Variants in CCDC51 observed in about 807,000 individuals in gnomAD.
The protein encoded by CCDC51 is mitochondrial potassium channel.
In CCDC51, 25 loss-of-function variants were observed where a neutral mutation model predicts 24.8. The ratio of observed to expected loss-of-function variants is 1.01; its 90% CI spans 0.73 to 1.41. The LOEUF is 1.41. CCDC51 is among the 40% of genes most tolerant of loss of function. The pLI, the probability that CCDC51 is intolerant of heterozygous loss-of-function variation, is 0.00. For synonymous variants in CCDC51, 190 were observed against 204.3 expected, an observed-to-expected ratio of 0.93 and a Z score of 0.60; for missense variants, 466 against 519.1, an observed-to-expected ratio of 0.90 and a Z score of 0.99.
upstream of CCDC51, chr3:48,445,205 AT>A (rs2039647253): frequency 6.6e-6 from 1 of 152,034 alleles, no homozygotes; most frequent in Non-Finnish European, 1.5e-5. Context: ...AAGCACAAGT[AT>A]TTGGATTTCC....
Position 48,433,927 on chromosome 3 carries a change from C to T in CCDC51, c.313-56G>A. On this transcript the variant is annotated intron_variant, in intron 2 of 3. Transcript: ENST00000395694. This position sits in a 1 kb window ranked among gnomAD's most constrained non-coding sequence, Gnocchi z 4.4. ...CCTTCTCTCCACACCCACACAGGCT[C>T]AGCTGCATTCCCAGCAAGGCATTCC... 9 of 1,572,798 alleles carry T rather than the reference C, an allele frequency of 5.7e-6. No homozygotes were observed. Among genetic ancestry groups the T allele is most frequent in the Non-Finnish European group, 6.9e-6 (8 of 1,158,404 alleles).
intron 1 of CCDC51, among the ~76,000 whole-genome samples, chr3:48,439,345 C>T (rs1045869796): frequency 6.6e-6 from 1 of 152,226 alleles, no homozygotes; most frequent in East Asian, 1.9e-4. Flanking sequence ...AAAAAAATAA[C>T]AACTTTGGCT....
At chr3:48,443,076 C>T (rs2039603908), upstream of CCDC51, among the ~76,000 whole-genome samples, 1 of 151,358 alleles carries the variant, frequency 6.6e-6, no homozygotes, top group Non-Finnish European at 1.5e-5. Flanking sequence ...CCCATCTCTA[C>T]TAAAAATACA....
chr3:48,440,083 T>C lies in CCDC51; in HGVS notation c.-104A>G, dbSNP rs1357486412. 2.1e-5 allele frequency: 16 copies of C among 760,926 alleles called. No homozygotes were observed. Among genetic ancestry groups the C allele is most frequent in the Admixed American group, 3.0e-5 (1 of 33,176 alleles). The allele number at this position is 760,926 out of a possible 1,614,324, so 47.1% of individuals were successfully genotyped here. A position where few individuals can be genotyped will look rare whatever the true frequency, so the allele number is the denominator to read the frequency against. On this transcript the variant is annotated 5_prime_UTR_variant, in exon 1 of 4. Coordinates refer to ENST00000395694, the MANE Select transcript of CCDC51 (RefSeq NM_001256964.2). Reference sequence around the variant, plus strand: ...CGATTCTACCCTGGCAGGACAACCCTAGCTCCTCGTACCTGGCGTGGCCCG... The same window carrying C: ...CGATTCTACCCTGGCAGGACAACCCCAGCTCCTCGTACCTGGCGTGGCCCG...
In CCDC51 at chr3:48,434,838, C is replaced by T; in HGVS notation, c.291G>A (p.Glu97=). Reference sequence around the variant, plus strand: ...TCACCTCTGTCACCTTTCCCTGGGCCTCTCGAACCTCGTTGAGTCCAACAA... The same window carrying T: ...TCACCTCTGTCACCTTTCCCTGGGCTTCTCGAACCTCGTTGAGTCCAACAA... ...EEFVGLNEVR[E]AQGKVTEAEK... Residue 97 remains glutamate, a synonymous_variant, in exon 2 of 4, where the codon GAG becomes GAA. Coordinates refer to ENST00000395694, the MANE Select transcript of CCDC51 (RefSeq NM_001256964.2). 1 of 1,605,962 alleles carries T rather than the reference C, an allele frequency of 6.2e-7. No homozygotes were observed. The highest frequency in any genetic ancestry group is 8.5e-7 in the Non-Finnish European group (1 of 1,174,488).
rs2039307920 is a variant in CCDC51 at position 48,435,016 on chromosome 3, C to A, written c.113G>T (p.Ser38Ile). 1 of 1,614,090 alleles carries A rather than the reference C, an allele frequency of 6.2e-7. No homozygotes were observed. Among genetic ancestry groups the A allele is most frequent in the South Asian group, 1.1e-5 (1 of 91,092 alleles). ...CTCTCCGGGCTGGCTTGGGCCTGGG[C>A]TGCAGAGAGTCCTGGTCATGAAGAG... ...RDLFMTRTLC[S>I]PGPSQPGEKR... The change falls in exon 2 of 4, where the codon AGC (serine) becomes ATC (isoleucine). Residue 38 changes from serine to isoleucine, a missense_variant. Physicochemically the swap from Ser to Ile is moderately radical, Grantham distance 142. Transcript: ENST00000395694. This position sits in a 1 kb window ranked among gnomAD's most constrained non-coding sequence, Gnocchi z 4.2.
rs752720461 is a variant in CCDC51, at chr3:48,432,934, G to A, written c.710C>T (p.Ala237Val). 2.9e-5 allele frequency: 46 copies of A among 1,613,868 alleles called. No individual in the cohort carries two copies. Among genetic ancestry groups the A allele is most frequent in the South Asian group, 1.9e-4 (17 of 91,074 alleles). ...TTGGAGACTCACAGGCCCCTTCTGC[G>A]CCTCCAGGAGTAAAGCCTTCAGCTC... is the stretch of plus-strand genomic sequence containing the variant. ...LQELKALLLE[A>V]QKGPVSLQEA... The change falls in exon 4 of 4, where the codon GCG becomes GTG. Residue 237 changes from alanine (A) to valine (V), a missense_variant. By Grantham distance (64) the Ala-to-Val change is moderately conservative. Transcript: ENST00000395694.
Position 48,435,275 on chromosome 3 carries a change from G to A in CCDC51, c.-8-139C>T. 2.8e-6 allele frequency: 2 copies of A among 703,876 alleles called. No homozygotes were observed. Among genetic ancestry groups the A allele is most frequent in the Non-Finnish European group, 4.5e-6 (2 of 443,382 alleles). 43.6% of individuals were successfully genotyped at this position (703,876 alleles called of 1,614,324 possible). On this transcript the variant is annotated intron_variant, in intron 1 of 3. Coordinates refer to ENST00000395694, the MANE Select transcript of CCDC51 (RefSeq NM_001256964.2). The surrounding 1 kb of genome is among the most constrained non-coding windows in gnomAD (Gnocchi z 4.2). ...ACTGAGCACCACCCTGTTGGGCCCA[G>A]AGACTGTGGCCCCTGTGGCAAGAGG...
chr3:48,435,120 C>A lies in CCDC51; in HGVS notation c.9G>T (p.Gly3=). The change falls in exon 2 of 4, where the codon GGG becomes GGT. Residue 3 remains glycine, a synonymous_variant. Transcript: ENST00000395694. This position sits in a 1 kb window ranked among gnomAD's most constrained non-coding sequence, Gnocchi z 4.2. MM[G]RSPGFAMQHI... ...GCTGCATGGCAAACCCAGGGCTGCG[C>A]CCCATCATCCTGAGATCTGTGAGGG... The A allele has an allele frequency of 6.3e-7, 1 of 1,577,380 alleles. No individual in the cohort carries two copies. Among genetic ancestry groups the A allele is most frequent in the South Asian group, 1.2e-5 (1 of 84,544 alleles).
At chr3:48,445,380 G>T (rs1448411224), upstream of CCDC51, among the ~76,000 whole-genome samples, 1 of 152,152 alleles carries the variant, frequency 6.6e-6, no homozygotes, top group Non-Finnish European at 1.5e-5. Context: ...GGGAGAGGGG[G>T]CAGGGGGAAG....
Position 48,433,898 on chromosome 3 carries a change from T to C in CCDC51, c.313-27A>G. On this transcript the variant is annotated intron_variant, in intron 2 of 3. Coordinates refer to ENST00000395694, the MANE Select transcript of CCDC51 (RefSeq NM_001256964.2). This position sits in a 1 kb window ranked among gnomAD's most constrained non-coding sequence, Gnocchi z 4.4. ...TGCAAAGAGAAAACCGGAGGCCATCTGCACCTTCTCTCCACACCCACACAG... is the reference window on the plus strand; with the variant it reads ...TGCAAAGAGAAAACCGGAGGCCATCCGCACCTTCTCTCCACACCCACACAG... 6.2e-7 allele frequency: 1 copy of C among 1,605,562 alleles called. No individual in the cohort carries two copies. Among genetic ancestry groups the C allele is most frequent in the East Asian group, 2.2e-5 (1 of 44,772 alleles).
chr3:48,435,583 G>C lies in CCDC51; in HGVS notation c.-8-447C>G, dbSNP rs1418328415. Among the ~76,000 whole-genome samples, 1 of 152,082 alleles carries C rather than the reference G, an allele frequency of 6.6e-6. No individual in the cohort carries two copies. On this transcript the variant is annotated intron_variant, in intron 1 of 3. Transcript: ENST00000395694. This position sits in a 1 kb window ranked among gnomAD's most constrained non-coding sequence, Gnocchi z 4.2. ...CTCCCTGCAATGTTGTGGAACTCAG[G>C]GGAATTCAGGAAGACTAAGATCCAG...
upstream of CCDC51, chr3:48,440,627 G>A: frequency 3.1e-6 from 5 of 1,610,504 alleles, no homozygotes; most frequent in South Asian, 1.1e-5. Flanking sequence ...AGGGGCCCTT[G>A]GGTAAGTGGG....
intron 2 of CCDC51, 26 bp downstream of exon 2, chr3:48,434,791 C>T: frequency 6.4e-7 from 1 of 1,558,036 alleles, no homozygotes; most frequent in Non-Finnish European, 8.7e-7. Flanking sequence ...GAGGGCGGGG[C>T]CAGCCACCCC....
chr3:48,440,677 C>G (rs368317980), upstream of CCDC51: 8 of 1,550,590 alleles, frequency 5.2e-6, no homozygotes, highest in South Asian at 9.2e-5. Context: ...CTATGAGCAC[C>G]TATTGGGATG....
upstream of CCDC51, chr3:48,444,017 A>G (rs1261642735): frequency 7.5e-6 from 5 of 667,866 alleles, no homozygotes; most frequent in African/African-American, 1.9e-5. Flanking sequence ...ACATTTAAGA[A>G]TAAACTTTTG....
In CCDC51 at chr3:48,433,878, A is replaced by G; in HGVS notation, c.313-7T>C. 1 of 1,612,218 alleles carries G rather than the reference A, an allele frequency of 6.2e-7. No homozygotes were observed. Among genetic ancestry groups the G allele is most frequent in the Non-Finnish European group, 8.5e-7 (1 of 1,178,862 alleles). ...CCATGAACACTTTCTCAGCCTGCAA[A>G]GAGAAAACCGGAGGCCATCTGCACC... On this transcript the variant is annotated splice_region_variant and splice_polypyrimidine_tract_variant and intron_variant, in intron 2 of 3. Transcript: ENST00000395694. The surrounding 1 kb of genome is among the most constrained non-coding windows in gnomAD (Gnocchi z 4.4).
chr3:48,445,253 C>T (rs1478567503), upstream of CCDC51: 1 of 152,146 alleles, frequency 6.6e-6, no homozygotes, highest in African/African-American at 2.4e-5. Flanking sequence ...TAATAATGCT[C>T]AGCTTTCTCT....
Position 48,432,918 on chromosome 3 carries a change from C to T in CCDC51, c.726G>A (p.Val242=), listed in dbSNP as rs766893936. The T allele has an allele frequency of 3.1e-6, 5 of 1,613,948 alleles. No individual in the cohort carries two copies. The highest frequency in any genetic ancestry group is 1.7e-5 in the Admixed American group (1 of 60,000). Residue 242 remains valine, a synonymous_variant, in exon 4 of 4, where the codon GTG becomes GTA. Transcript: ENST00000395694. ...GTTCTCGAATGGCCTCTTGGAGACT[C>T]ACAGGCCCCTTCTGCGCCTCCAGGA... The part of the protein sequence containing the change: ...ALLLEAQKGP[V]SLQEAIREQA...
Sources: allele counts gnomAD v4.1 joint callset (sites outside exome capture counted in the v4.1 genomes callset), GRCh38; gene constraint gnomAD v4.1.1; non-coding constraint Gnocchi (gnomAD v3.1); transcripts MANE v1.5; gene names NCBI Gene and HGNC (gene_info 2026-07-23, HGNC 2026-07-21).